Variants in NUP43 observed in about 807,000 individuals in gnomAD.
NUP43 encodes the protein nucleoporin Nup43.
Under a neutral mutation model 47.3 loss-of-function variants are expected in NUP43, and 32 were observed. The ratio of observed to expected loss-of-function variants is 0.68; its 90% confidence interval spans 0.51 to 0.91. The LOEUF is 0.91. NUP43 is among the 40% of genes least tolerant of loss of function. The pLI is 0.00. For missense variants in NUP43, 444 were observed against 453.9 expected (o/e 0.98, Z 0.20); for synonymous variants, 147 against 158.4 (o/e 0.93, Z 0.54).
upstream of NUP43, among the ~76,000 whole-genome samples, chr6:149,748,104 A>G (rs982842336): frequency 2.0e-5 from 3 of 152,172 alleles, no homozygotes; most frequent in East Asian, 5.8e-4. Flanking sequence ...TCACGAGGTC[A>G]GGAGTTCAAG....
intron 7 of NUP43, chr6:149,727,913 C>G (rs919404046): frequency 2.0e-6 from 2 of 984,878 alleles, no homozygotes; most frequent in African/African-American, 3.5e-5. Context: ...ATTTAATTCA[C>G]TCAACAAATG....
chr6:149,727,621 C>CATATTTCTAGATGAACATTTCTAGAAAT (rs1784849544), intron 7 of NUP43: 1 of 784,142 alleles, frequency 1.3e-6, no homozygotes, highest in African/African-American at 1.9e-5. Context: ...AATTTCTAGA[C>CATATTTCTAGATGAACATTTCTAGAAAT]ATATTTCTAG....
At chr6:149,745,868 A>G (rs1380991802) in intron 2 of NUP43, 72 bp downstream of exon 2, 4 of 1,390,652 alleles carry the variant, frequency 2.9e-6, no homozygotes, top group Non-Finnish European at 3.9e-6. Context: ...GACAACTTTT[A>G]TGATGCTCTG....
At position 149,743,721 on chromosome 6, in the gene NUP43, G is replaced by A; in HGVS notation, c.244-6C>T. On this transcript the variant is annotated splice_polypyrimidine_tract_variant and splice_region_variant and intron_variant, in intron 2 of 7. Coordinates refer to ENST00000340413, the MANE Select transcript of NUP43 (RefSeq NM_198887.3). The stretch of plus-strand genomic sequence containing the variant: ...ATTCTTTCCTGGTCAAAAAACTAAA[G>A]AGAAAATTTCTGCTTGTTAAAGATT... 1 of 1,594,486 alleles carries A rather than the reference G, an allele frequency of 6.3e-7. No homozygotes were observed. Among genetic ancestry groups the A allele is most frequent in the Non-Finnish European group, 8.6e-7 (1 of 1,165,202 alleles).
chr6:149,740,397 G>A (rs1349853489), intron 4 of NUP43, among the ~76,000 whole-genome samples: 3 of 151,948 alleles, frequency 2.0e-5, no homozygotes, highest in Admixed American at 2.0e-4. Context: ...TTGGGAGGCC[G>A]AGGCAGGCGA....
upstream of NUP43, among the ~76,000 whole-genome samples, chr6:149,748,908 C>G (rs1786169194): frequency 6.6e-6 from 1 of 151,222 alleles, no homozygotes; most frequent in Non-Finnish European, 1.5e-5. Context: ...TTGGACGCGA[C>G]AAGCAATGTT....
chr6:149,728,003 A>G (rs1257011371), intron 7 of NUP43: 1 of 985,314 alleles, frequency 1.0e-6, no homozygotes, highest in East Asian at 1.1e-4. Context: ...AAAGATTAGT[A>G]CATTTAAAAT....
intron 4 of NUP43, among the ~76,000 whole-genome samples, chr6:149,742,145 G>A: frequency 6.6e-6 from 1 of 151,972 alleles, no homozygotes; most frequent in South Asian, 2.1e-4. Flanking sequence ...TCCTGCCTCA[G>A]CCTCCCAAGT....
intron 2 of NUP43, among the ~76,000 whole-genome samples, chr6:149,744,460 T>C (rs1486345842): frequency 4.1e-5 from 6 of 147,312 alleles, no homozygotes; most frequent in Non-Finnish European, 6.0e-5. Context: ...CGAGGTGGGG[T>C]TGCAGTGAGC....
chr6:149,735,598 C>CAAAA (rs57726234), intron 6 of NUP43, among the ~76,000 whole-genome samples: 812 of 50,892 alleles, frequency 0.016, 67 homozygotes, highest in African/African-American at 0.054. Context: ...ACCCTGTCTC[C>CAAAA]AAAAAAAAAA....
rs61748673 is a variant in NUP43 at position 149,745,990 on chromosome 6, G to A, written c.193C>T (p.His65Tyr). The A allele has an allele frequency of 3.7e-3, 5,904 of 1,612,998 alleles. 200 individuals are homozygous for A. In the African/African-American group the frequency reaches 0.068, roughly 18 times the overall value. The change falls in exon 2 of 8, where the codon CAT becomes TAT. Residue 65 changes from histidine (H) to tyrosine (Y), a missense_variant. Transcript: ENST00000340413. The part of the protein sequence containing the change: ...LDSDGGFEGD[H>Y]QLLCDIRHHG... ...TGTCTGATATCACACAATAACTGATGGTCTCCTTCAAACCCTCCATCAGAG... is the reference window on the plus strand; with the variant it reads ...TGTCTGATATCACACAATAACTGATAGTCTCCTTCAAACCCTCCATCAGAG...
intron 6 of NUP43, among the ~76,000 whole-genome samples, chr6:149,734,502 A>T (rs9767652): frequency 0.39 from 59,139 of 150,928 alleles, 12,536 homozygotes; most frequent in East Asian, 0.81. Context: ...CCCCATTTTT[A>T]AAAAAATATA....
Position 149,731,626 on chromosome 6 carries a change from T to G in NUP43, c.900A>C (p.Ser300=). ...AAAAAGTTTTACCTTGGTGAAAGAG[T>G]GACGACTTTTCAGGTACATCTGTGG... is the stretch of plus-strand genomic sequence containing the variant. The part of the protein sequence containing the change: ...DASTDVPEKS[S]LFHQGGRSST... Residue 300 remains serine (S), a synonymous_variant, in exon 7 of 8, where the codon TCA becomes TCC. Coordinates refer to ENST00000340413, the MANE Select transcript of NUP43 (RefSeq NM_198887.3). The G allele has an allele frequency of 6.2e-7, 1 of 1,610,934 alleles. No homozygotes were observed. The highest frequency in any genetic ancestry group is 1.7e-5 in the Admixed American group (1 of 59,612).
At chr6:149,742,976 G>T (rs898947738) in intron 3 of NUP43, among the ~76,000 whole-genome samples, 8 of 151,930 alleles carry the variant, frequency 5.3e-5, no homozygotes, top group African/African-American at 1.9e-4. Flanking sequence ...AGGGGTTCGA[G>T]ACCAGCCTGG....
rs1321576445 is a variant in NUP43 at position 149,726,693 on chromosome 6, A to C, written c.*276T>G. On this transcript the variant is annotated 3_prime_UTR_variant, in exon 8 of 8. Transcript: ENST00000340413. ...GAATTAGTTCCACAAGCTGTCTGTCAATAATACTCTGAAGGCAACCTATTC... is the reference window on the plus strand; with the variant it reads ...GAATTAGTTCCACAAGCTGTCTGTCCATAATACTCTGAAGGCAACCTATTC... The C allele has an allele frequency of 9.1e-6, 4 of 440,984 alleles. No homozygotes were observed. Among genetic ancestry groups the C allele is most frequent in the African/African-American group, 7.9e-5 (4 of 50,520 alleles). The allele number at this position is 440,984 out of a possible 1,614,324, so 27.3% of individuals were successfully genotyped here. A position where few individuals can be genotyped will look rare whatever the true frequency, so the allele number is the denominator to read the frequency against.
At chr6:149,739,390 G>A (rs1043096244) in intron 4 of NUP43, among the ~76,000 whole-genome samples, 1 of 152,008 alleles carries the variant, frequency 6.6e-6, no homozygotes, top group Non-Finnish European at 1.5e-5. Context: ...AGGTTCAAGC[G>A]ATTCTCTTGC....
rs564528964 is a variant in NUP43 at position 149,745,827 on chromosome 6, C to T, written c.243+113G>A. On this transcript the variant is annotated intron_variant, in intron 2 of 7. Transcript: ENST00000340413. ...TGGGCAAATCATAACTTACAGAGCACTCAGTTTTCTGTAAACGAGGGGTGA... is the reference window on the plus strand; with the variant it reads ...TGGGCAAATCATAACTTACAGAGCATTCAGTTTTCTGTAAACGAGGGGTGA... The T allele has an allele frequency of 4.5e-6, 4 of 884,194 alleles. No individual in the cohort carries two copies. In the East Asian group the frequency reaches 7.8e-5, roughly 17 times the overall value. The allele number at this position is 884,194 out of a possible 1,614,324, so 54.8% of individuals were successfully genotyped here. A position where few individuals can be genotyped will look rare whatever the true frequency, so the allele number is the denominator to read the frequency against.
At chr6:149,739,529 C>T (rs771129090) in intron 4 of NUP43, among the ~76,000 whole-genome samples, 5 of 152,128 alleles carry the variant, frequency 3.3e-5, no homozygotes, top group Non-Finnish European at 7.3e-5. Flanking sequence ...TCAGGTGATC[C>T]GCCTCACTCA....
Position 149,742,528 on chromosome 6 carries a change from T to G in NUP43, c.364A>C (p.Thr122Pro), listed in dbSNP as rs1785723010. The change falls in exon 4 of 8, where the codon ACA (threonine) becomes CCA (proline). Residue 122 changes from threonine (T) to proline (P), a missense_variant. Thr to Pro is a conservative substitution (Grantham distance 38, BLOSUM62 -1). Transcript: ENST00000340413. ...NQQWTTAHYH[T>P]GPGSPSYSSA... ...CTATAGGAAGGACTGCCAGGGCCTG[T>G]GTGGTAGTGAGCTGTAGTCCACTGC... The G allele has an allele frequency of 6.2e-7, 1 of 1,614,080 alleles. No individual in the cohort carries two copies.
Sources: gnomAD v4.1 joint callset for allele counts (sites outside exome capture counted in the v4.1 genomes callset) on GRCh38, gnomAD v4.1.1 for gene constraint, MANE v1.5 for transcripts, NCBI Gene and HGNC (gene_info 2026-07-23, HGNC 2026-07-21) for gene names.